PRKDC: variants seen among roughly 807,000 people sequenced by gnomAD.
The protein encoded by PRKDC is protein kinase, DNA-activated, catalytic subunit, also known as DNA-dependent protein kinase catalytic subunit.
PRKDC carries 82 observed loss-of-function variants against 486.9 expected under a neutral mutation model. The observed-to-expected ratio is 0.17, with a 90% confidence interval of 0.14 to 0.20. The LOEUF (loss-of-function observed/expected upper bound fraction) is 0.20. Among genes scored for constraint, PRKDC ranks in the 10% least tolerant of loss-of-function variants. The pLI, the probability that PRKDC is intolerant of heterozygous loss-of-function variation, is 1.00. For missense variants in PRKDC, 4,504 were observed against 5,038.2 expected, an observed-to-expected ratio of 0.89 and a Z score of 3.21; for synonymous variants, 1,895 against 1,837.0, an observed-to-expected ratio of 1.03 and a Z score of -0.81.
chr8:47,832,182 C>A (rs2087899881), intron 59 of PRKDC, among the ~76,000 whole-genome samples: 1 of 152,234 alleles, frequency 6.6e-6, no homozygotes, highest in South Asian at 2.1e-4. Context: ...GAACCCCCGC[C>A]CAACTCGCCT....
At chr8:47,903,318 CG>C (rs1461918093) in intron 26 of PRKDC, among the ~76,000 whole-genome samples, 1 of 152,204 alleles carries the variant, frequency 6.6e-6, no homozygotes, top group Non-Finnish European at 1.5e-5. Context: ...ATTTGACCAA[CG>C]ACCACACAGA....
chr8:47,933,143 G>C lies in PRKDC; in HGVS notation c.1653C>G (p.Phe551Leu). Residue 551 changes from phenylalanine to leucine, a missense_variant, in exon 16 of 86, where the codon TTC (phenylalanine) becomes TTG (leucine). Around this residue, in one of 6 missense-constraint regions of PRKDC, gnomAD observed 1,969 missense variants for 2,068.9 expected, o/e 0.95. Transcript: ENST00000314191. ...GACTTTCACTGGAGGAATTCACAGA[G>C]AAAAATGCTTCATCTGCTAAAATAG... Reference protein sequence around the residue: ...MDSILADEAFFSVNSSSESLN... With the variant: ...MDSILADEAFLSVNSSSESLN... 2 of 1,540,272 alleles carry C rather than the reference G, an allele frequency of 1.3e-6. No homozygotes were observed. Among genetic ancestry groups the C allele is most frequent in the Non-Finnish European group, 1.7e-6 (2 of 1,146,290 alleles).
At chr8:47,888,413 T>G in intron 34 of PRKDC, 105 bp downstream of exon 34, 1 of 983,754 alleles carries the variant, frequency 1.0e-6, no homozygotes, top group Non-Finnish European at 1.4e-6. Context: ...AATTCCCATT[T>G]CAGCATGCTC....
intron 25 of PRKDC, among the ~76,000 whole-genome samples, chr8:47,910,047 A>G (rs2089867017): frequency 5.9e-5 from 9 of 152,058 alleles, no homozygotes; most frequent in Admixed American, 5.9e-4. Flanking sequence ...CCTAATAAAA[A>G]TCTGCTGGTT....
chr8:47,819,823 A>G (rs1013129022), intron 66 of PRKDC, among the ~76,000 whole-genome samples: 3 of 152,226 alleles, frequency 2.0e-5, no homozygotes, highest in African/African-American at 7.2e-5. Flanking sequence ...ACTGCTGACT[A>G]CAGAAGCCAA....
rs1334779910 is a variant in PRKDC, at chr8:47,935,798, T to C, written c.1381A>G (p.Ile461Val). The change falls in exon 13 of 86, where the codon ATA becomes GTA. Residue 461 changes from isoleucine (I) to valine (V), a missense_variant. Coordinates refer to ENST00000314191, the MANE Select transcript of PRKDC (RefSeq NM_006904.7). ...GCCAAAGCTAGGAACACCTTCACTATGGCTCTGCAACACACCAGCTGCATT... is the reference window on the plus strand; with the variant it reads ...GCCAAAGCTAGGAACACCTTCACTACGGCTCTGCAACACACCAGCTGCATT... ...PKMQLVCCRA[I>V]VKVFLALAAK... is the part of the protein sequence containing the mutation. The C allele has an allele frequency of 1.9e-6, 3 of 1,614,046 alleles. No individual in the cohort carries two copies. Among genetic ancestry groups the C allele is most frequent in the Non-Finnish European group, 1.7e-6 (2 of 1,179,902 alleles).
chr8:47,779,142 T>C lies in PRKDC; in HGVS notation c.11490-49A>G, dbSNP rs772615862. ...TGGAATTAGGAAGATTTTAGCATTATGTGATTTCAAAGGCAAAGATCACCA... is the reference window on the plus strand; with the variant it reads ...TGGAATTAGGAAGATTTTAGCATTACGTGATTTCAAAGGCAAAGATCACCA... On this transcript the variant is annotated intron_variant, in intron 80 of 85. Transcript: ENST00000314191. 13 of 1,370,166 alleles carry C rather than the reference T, an allele frequency of 9.5e-6. No homozygotes were observed. In the East Asian group the frequency reaches 2.0e-4, roughly 21 times the overall value. 84.9% of individuals were successfully genotyped at this position (1,370,166 alleles called of 1,614,324 possible).
chr8:47,778,247 GCTCTGATGATATCACTGATCA>G (rs1291730357), intron 83 of PRKDC, among the ~76,000 whole-genome samples, 191 bp downstream of exon 83: 1 of 152,104 alleles, frequency 6.6e-6, no homozygotes, highest in East Asian at 1.9e-4. Flanking sequence ...TTAATTACCG[GCTCTGATGATATCACTGATCA>G]CCATGACTTC....
intron 85 of PRKDC, among the ~76,000 whole-genome samples, chr8:47,774,657 A>T (rs981015309): frequency 6.6e-6 from 1 of 152,090 alleles, no homozygotes; most frequent in Admixed American, 6.5e-5. Flanking sequence ...CTCTATGTTT[A>T]ACTTTGTGAA....
intron 66 of PRKDC, among the ~76,000 whole-genome samples, chr8:47,820,327 A>G (rs1309129605): frequency 6.6e-6 from 1 of 152,106 alleles, no homozygotes; most frequent in East Asian, 1.9e-4. Context: ...CTTGAACCAG[A>G]TTGCGCCATT....
intron 54 of PRKDC, 90 bp from the exon 55 acceptor site, chr8:47,840,279 C>A (rs1416274756): frequency 3.9e-6 from 4 of 1,017,268 alleles, no homozygotes; most frequent in South Asian, 1.7e-5. Context: ...TTCTTTGTTT[C>A]AAAATTAGTT....
At chr8:47,836,971 A>G (rs997815759) in intron 57 of PRKDC, among the ~76,000 whole-genome samples, 9 of 152,154 alleles carry the variant, frequency 5.9e-5, no homozygotes, top group African/African-American at 1.9e-4. Flanking sequence ...TCCACTGTGG[A>G]TTGGGAGGAA....
chr8:47,803,572 C>T, intron 69 of PRKDC, 92 bp from the exon 70 acceptor site: 1 of 1,149,942 alleles, frequency 8.7e-7, no homozygotes. Context: ...TTGCACGACA[C>T]AATCCACCTT....
chr8:47,865,072 T>C (rs1049603895), intron 40 of PRKDC, among the ~76,000 whole-genome samples: 8 of 152,188 alleles, frequency 5.3e-5, no homozygotes, highest in African/African-American at 1.2e-4. Context: ...GCCTAAAAAA[T>C]AGACACATTT....
intron 36 of PRKDC, among the ~76,000 whole-genome samples, chr8:47,885,622 G>C (rs916998130): frequency 1.3e-5 from 2 of 152,158 alleles, no homozygotes; most frequent in African/African-American, 4.8e-5. Flanking sequence ...ACCGGGTGCA[G>C]TGGCTCACGC....
chr8:47,830,877 G>A (rs1252684521), intron 60 of PRKDC, 141 bp from the exon 61 acceptor site: 29 of 961,222 alleles, frequency 3.0e-5, no homozygotes, highest in Middle Eastern at 4.3e-4. Flanking sequence ...CTCAGTCGCC[G>A]TACTTTACCG....
chr8:47,799,374 T>C lies in PRKDC; in HGVS notation c.10133A>G (p.Tyr3378Cys). The change falls in exon 72 of 86, where the codon TAC (tyrosine) becomes TGC (cysteine). Residue 3378 changes from tyrosine (Y) to cysteine (C), a missense_variant. This residue lies in a region of PRKDC where 1,592 missense variants were observed against 1,724.6 expected (regional missense o/e 0.92). Transcript: ENST00000314191. ...EDSEKVIAGL[Y>C]QRAFQHLSEA... ...AGAGAGGTGCTGGAATGCTCTCTGG[T>C]ACAGACCCGCGATCACCTGGAATTC... 3.8e-6 allele frequency: 6 copies of C among 1,569,144 alleles called. No homozygotes were observed. Among genetic ancestry groups the C allele is most frequent in the East Asian group, 4.5e-5 (2 of 44,310 alleles).
At position 47,782,537 on chromosome 8, in the gene PRKDC, C is replaced by T. The variant is rs765160098; in HGVS notation, c.11237G>A (p.Arg3746Lys). 45 of 1,575,050 alleles carry T rather than the reference C, an allele frequency of 2.9e-5. No individual in the cohort carries two copies. The highest frequency in any genetic ancestry group is 9.3e-5 in the Admixed American group (5 of 53,952). The change falls in exon 79 of 86, where the codon AGG (arginine) becomes AAG (lysine). Residue 3746 changes from arginine (R) to lysine (K), a missense_variant. This residue lies in a region of PRKDC where 706 missense variants were observed against 945.0 expected (regional missense o/e 0.75). Coordinates refer to ENST00000314191, the MANE Select transcript of PRKDC (RefSeq NM_006904.7). The surrounding 1 kb of genome is among the most constrained non-coding windows in gnomAD (Gnocchi z 4.9). ...KRIIIRGHDEREHPFLVKGGE... is the reference protein window; with the variant it reads ...KRIIIRGHDEKEHPFLVKGGE... Reference sequence around the variant, plus strand: ...ACCCTTCACCAGGAAAGGGTGTTCCCTCTCGTCATGGCCACGGATGATGAT... The same window carrying T: ...ACCCTTCACCAGGAAAGGGTGTTCCTTCTCGTCATGGCCACGGATGATGAT...
rs1403707741 is a variant in PRKDC, at chr8:47,794,508, CAG to C, written c.10459-9_10459-8del. On this transcript the variant is annotated splice_region_variant and splice_polypyrimidine_tract_variant and intron_variant, in intron 73 of 85. Coordinates refer to ENST00000314191, the MANE Select transcript of PRKDC (RefSeq NM_006904.7). ...AGCAGGGAACGGAAGAGATCTAAAA[CAG>C]AGAGCTGAAACTTAATGCTGAGTAA... 3 of 1,585,674 alleles carry C rather than the reference CAG, an allele frequency of 1.9e-6. No individual in the cohort carries two copies. Among genetic ancestry groups the C allele is most frequent in the South Asian group, 1.1e-5 (1 of 89,962 alleles).
Sources: gnomAD v4.1 joint callset for allele counts (sites outside exome capture counted in the v4.1 genomes callset) on GRCh38, gnomAD v4.1.1 for gene constraint, gnomAD v4.1.1 regional missense constraint, Gnocchi (gnomAD v3.1) non-coding constraint, MANE v1.5 for transcripts, NCBI Gene and HGNC (gene_info 2026-07-23, HGNC 2026-07-21) for gene names.